Variants in ABHD6 observed in about 807,000 individuals in gnomAD.
The protein encoded by ABHD6 is abhydrolase domain containing 6, acylglycerol lipase.
In ABHD6, 33 loss-of-function variants were observed where a neutral mutation model predicts 38.8. The observed-to-expected ratio is 0.85, with a 90% CI of 0.64 to 1.14. ABHD6 has a LOEUF of 1.14. ABHD6 is among the 50% of genes most tolerant of loss of function. The pLI, the probability that ABHD6 is intolerant of heterozygous loss-of-function variation, is 0.00. For missense variants in ABHD6, 380 were observed against 422.6 expected (o/e 0.90, Z 0.88); for synonymous variants, 147 against 161.6 (o/e 0.91, Z 0.69).
At chr3:58,289,846 C>T (rs573703055) in intron 9 of ABHD6, among the ~76,000 whole-genome samples, 2,286 of 141,002 alleles carry the variant, frequency 0.016, 120 homozygotes, top group African/African-American at 0.062. Context: ...CCGGACAGGG[C>T]GGCTGGCCGG....
intron 7 of ABHD6, among the ~76,000 whole-genome samples, chr3:58,275,241 G>C (rs2097447903): frequency 6.7e-6 from 1 of 150,348 alleles, no homozygotes; most frequent in Non-Finnish European, 1.5e-5. Context: ...AAGAATAAGA[G>C]AATGGTGAAG....
intron 1 of ABHD6, among the ~76,000 whole-genome samples, chr3:58,242,369 C>A (rs1431453548): frequency 1.3e-5 from 2 of 152,168 alleles, no homozygotes; most frequent in Non-Finnish European, 2.9e-5. Context: ...CTCTAGGACC[C>A]AGCTGCCCAT....
intron 7 of ABHD6, among the ~76,000 whole-genome samples, chr3:58,284,100 T>C (rs1193324196): frequency 1.3e-5 from 2 of 152,150 alleles, no homozygotes; most frequent in Non-Finnish European, 2.9e-5. Flanking sequence ...ATGTGAACCC[T>C]GTACTCTACC....
At chr3:58,289,119 A>G (rs1210365588) in intron 9 of ABHD6, among the ~76,000 whole-genome samples, 3 of 152,162 alleles carry the variant, frequency 2.0e-5, no homozygotes, top group Admixed American at 6.5e-5. Flanking sequence ...CAGTGGCTCA[A>G]TCATAGCTCA....
intron 7 of ABHD6, among the ~76,000 whole-genome samples, chr3:58,284,024 G>C (rs3773010): frequency 2.6e-5 from 4 of 152,052 alleles, no homozygotes; most frequent in Admixed American, 2.0e-4. Context: ...ACTCCTGAGA[G>C]AGTGTAATTA....
At chr3:58,291,479 G>T (rs1411765916) in intron 9 of ABHD6, among the ~76,000 whole-genome samples, 1 of 152,066 alleles carries the variant, frequency 6.6e-6, no homozygotes. Flanking sequence ...GGCTGGTCTC[G>T]AACTCCTGGG....
intron 5 of ABHD6, 53 bp from the exon 6 acceptor site, chr3:58,270,879 T>C (rs1436175360): frequency 6.5e-7 from 1 of 1,536,844 alleles, no homozygotes; most frequent in Non-Finnish European, 8.7e-7. Flanking sequence ...GTAGTCACCA[T>C]TGCCATTGTC....
chr3:58,271,795 C>T (rs1406842619), intron 6 of ABHD6, among the ~76,000 whole-genome samples: 10 of 46,186 alleles, frequency 2.2e-4, no homozygotes, highest in Non-Finnish European at 2.8e-4. Flanking sequence ...TTTTTTGAGA[C>T]AGTCTGTTGC....
chr3:58,280,946 T>A (rs2097452711), intron 7 of ABHD6, among the ~76,000 whole-genome samples: 1 of 152,216 alleles, frequency 6.6e-6, no homozygotes, highest in South Asian at 2.1e-4. Context: ...CAAATATTGC[T>A]GCCTGATCCT....
At chr3:58,281,427 C>T (rs1167806233) in intron 7 of ABHD6, among the ~76,000 whole-genome samples, 1 of 152,182 alleles carries the variant, frequency 6.6e-6, no homozygotes, top group Admixed American at 6.5e-5. Flanking sequence ...ATCTTCTTGT[C>T]TGCCAGTTGC....
At chr3:58,271,171 T>G in intron 6 of ABHD6, 107 bp downstream of exon 6, 1 of 1,255,782 alleles carries the variant, frequency 8.0e-7, no homozygotes, top group East Asian at 2.6e-5. Flanking sequence ...TGATGTATGC[T>G]TGAGAGATAT....
rs992842590 is a variant in ABHD6 at position 58,263,346 on chromosome 3, C to T, written c.120-3843C>T. Among the ~76,000 whole-genome samples the T allele has an allele frequency of 3.0e-4, 45 of 151,070 alleles. No homozygotes were observed. Among genetic ancestry groups the T allele is most frequent in the Non-Finnish European group, 4.6e-4 (31 of 67,826 alleles). On this transcript the variant is annotated intron_variant, in intron 3 of 9. Transcript: ENST00000478253. This position sits in a 1 kb window ranked among gnomAD's most constrained non-coding sequence, Gnocchi z 4.9. ...TGGAGGTTGCAGTGAACTGAGATTG[C>T]GCCACTGCACTCCAGCCTAGGCAAC...
At position 58,293,187 on chromosome 3, in the gene ABHD6, C is replaced by A. The variant is rs182736198; in HGVS notation, c.838-402C>A. ...CCCTGCACTCGCCATGATCTCCCAC[C>A]CTGTGCCATTCCCACATCCGTGAAT... On this transcript the variant is annotated intron_variant, in intron 9 of 9. Coordinates refer to ENST00000478253, the MANE Select transcript of ABHD6 (RefSeq NM_001320126.2). This position sits in a 1 kb window ranked among gnomAD's most constrained non-coding sequence, Gnocchi z 4.4. 4.7e-3 allele frequency among the ~76,000 whole-genome samples: 714 copies of A among 152,236 alleles called. 4 individuals are homozygous for A. The highest frequency in any genetic ancestry group is 0.01 in the Middle Eastern group (3 of 294).
In ABHD6 at chr3:58,263,706, CT is replaced by C. The variant is rs1317147968; in HGVS notation, c.120-3479del. On this transcript the variant is annotated intron_variant, in intron 3 of 9. Coordinates refer to ENST00000478253, the MANE Select transcript of ABHD6 (RefSeq NM_001320126.2). This position sits in a 1 kb window ranked among gnomAD's most constrained non-coding sequence, Gnocchi z 4.9. ...ATCCAGTAGTCTGCTGAAGTTTCAC[CT>C]TTTCCACCAGGTCCTTCCAGCTCTT... is the stretch of plus-strand genomic sequence containing the variant. Among the ~76,000 whole-genome samples the C allele has an allele frequency of 1.3e-5, 2 of 152,228 alleles. No homozygotes were observed. The highest frequency in any genetic ancestry group is 4.8e-5 in the African/African-American group (2 of 41,454).
At position 58,256,521 on chromosome 3, in the gene ABHD6, A is replaced by T; in HGVS notation, c.-25-41A>T. On this transcript the variant is annotated intron_variant, in intron 2 of 9. Coordinates refer to ENST00000478253, the MANE Select transcript of ABHD6 (RefSeq NM_001320126.2). The surrounding 1 kb of genome is among the most constrained non-coding windows in gnomAD (Gnocchi z 4.3). ...TTACTTCTTCGCCTTTTTTCCTTTG[A>T]TACAGAGTTTTAATATCGTCATTCT... 3 of 1,215,194 alleles carry T rather than the reference A, an allele frequency of 2.5e-6. No individual in the cohort carries two copies. Among genetic ancestry groups the T allele is most frequent in the South Asian group, 2.7e-5 (2 of 74,792 alleles). The allele number at this position is 1,215,194 out of a possible 1,614,324, so 75.3% of individuals were successfully genotyped here.
chr3:58,258,542 G>T (rs2097434871), intron 3 of ABHD6: 1 of 300,796 alleles, frequency 3.3e-6, no homozygotes, highest in Non-Finnish European at 6.8e-6. Flanking sequence ...ATTATCAAAT[G>T]AAATTGCCCT....
At position 58,285,589 on chromosome 3, in the gene ABHD6, T is replaced by A. The variant is rs1053628888; in HGVS notation, c.837+136T>A. On this transcript the variant is annotated intron_variant, in intron 9 of 9. Coordinates refer to ENST00000478253, the MANE Select transcript of ABHD6 (RefSeq NM_001320126.2). This position sits in a 1 kb window ranked among gnomAD's most constrained non-coding sequence, Gnocchi z 4.9. ...CAGGAAGAGGGGGAAGGCACCTGTG[T>A]TGGGTGCCAGTGTTGACAGTGGGCA... 1 of 740,204 alleles carries A rather than the reference T, an allele frequency of 1.4e-6. No individual in the cohort carries two copies. Among genetic ancestry groups the A allele is most frequent in the African/African-American group, 1.7e-5 (1 of 57,532 alleles). The allele number at this position is 740,204 out of a possible 1,614,324, so 45.9% of individuals were successfully genotyped here.
intron 7 of ABHD6, among the ~76,000 whole-genome samples, chr3:58,284,359 C>A (rs985119189): frequency 1.3e-5 from 2 of 152,108 alleles, no homozygotes; most frequent in Non-Finnish European, 2.9e-5. Context: ...TTTAATAGAC[C>A]TATCATCCCC....
chr3:58,255,427 T>A (rs1300263412), intron 2 of ABHD6, among the ~76,000 whole-genome samples: 1 of 151,928 alleles, frequency 6.6e-6, no homozygotes, highest in African/African-American at 2.4e-5. Context: ...CATGTGTACA[T>A]GTATATTTGT....
Sources: allele counts gnomAD v4.1 joint callset (sites outside exome capture counted in the v4.1 genomes callset), GRCh38; gene constraint gnomAD v4.1.1; non-coding constraint Gnocchi (gnomAD v3.1); transcripts MANE v1.5; gene names NCBI Gene and HGNC (gene_info 2026-07-23, HGNC 2026-07-21).